Variants in MMP17 observed in about 807,000 individuals in gnomAD.
MMP17 encodes matrix metallopeptidase 17, also known as matrix metalloproteinase-17.
Under a neutral mutation model 49.1 loss-of-function variants are expected in MMP17, and 54 were observed. That is an observed-to-expected ratio of 1.10 (90% CI 0.88 to 1.38). The LOEUF is 1.38. MMP17 is among the 40% of genes most tolerant of loss of function. The probability of loss-of-function intolerance (pLI) is 0.00; values close to 1 mark genes in which losing one functional copy is unlikely to be tolerated. For synonymous variants in MMP17, 397 were observed against 383.1 expected, an observed-to-expected ratio of 1.04 and a Z score of -0.42; for missense variants, 837 against 853.7, an observed-to-expected ratio of 0.98 and a Z score of 0.24.
At chr12:131,849,212 G>A (rs866452517) in intron 8 of MMP17, among the ~76,000 whole-genome samples, 5 of 152,152 alleles carry the variant, frequency 3.3e-5, no homozygotes, top group African/African-American at 7.2e-5. Context: ...CGCAGGGCAC[G>A]GTGGCTCACA....
chr12:131,835,217 A>C (rs886724408), intron 1 of MMP17, among the ~76,000 whole-genome samples: 16 of 151,416 alleles, frequency 1.1e-4, no homozygotes, highest in African/African-American at 3.2e-4. Context: ...CAGACCCACC[A>C]CCCCCCAAGA....
chr12:131,841,888 G>T (rs1887436054), intron 5 of MMP17, 88 bp downstream of exon 5: 7 of 1,395,076 alleles, frequency 5.0e-6, no homozygotes, highest in Admixed American at 4.5e-5. Context: ...CCCCGGGAGG[G>T]TTTGCTCTCC....
At position 131,840,716 on chromosome 12, in the gene MMP17, T is replaced by C; in HGVS notation, c.566T>C (p.Phe189Ser). The change falls in exon 4 of 10, where the codon TTC (phenylalanine) becomes TCC (serine). Residue 189 changes from phenylalanine to serine, a missense_variant. Physicochemically the swap from Phe to Ser is radical, Grantham distance 155. Coordinates refer to ENST00000360564, the MANE Select transcript of MMP17 (RefSeq NM_016155.7). ...AGSAADIQID[F>S]SKADHNDGYP... The stretch of plus-strand genomic sequence containing the variant: ...AGCGCCGCCGACATCCAGATCGACT[T>C]CTCCAAGGCCGACCATAACGACGGC... 1 of 1,605,068 alleles carries C rather than the reference T, an allele frequency of 6.2e-7. No individual in the cohort carries two copies. The highest frequency in any genetic ancestry group is 1.3e-5 in the African/African-American group (1 of 75,028).
intron 9 of MMP17, 133 bp downstream of exon 9, chr12:131,850,192 C>A (rs1026534835): frequency 1.6e-6 from 2 of 1,277,410 alleles, no homozygotes; most frequent in East Asian, 2.6e-5. Context: ...AGGGTCCCAG[C>A]CCCTCGCCTG....
intron 3 of MMP17, among the ~76,000 whole-genome samples, chr12:131,839,255 G>C (rs1887255904): frequency 6.6e-6 from 1 of 151,862 alleles, no homozygotes; most frequent in Admixed American, 6.6e-5. Flanking sequence ...CGGATTTAGG[G>C]CCCACCCTGA....
intron 4 of MMP17, 123 bp from the exon 5 acceptor site, chr12:131,841,501 T>C: frequency 9.9e-7 from 1 of 1,006,396 alleles, no homozygotes; most frequent in South Asian, 1.5e-5. Flanking sequence ...AGAATCCCTC[T>C]GGCGCAGCCG....
chr12:131,849,779 A>G (rs746865852), intron 8 of MMP17, 23 bp from the exon 9 acceptor site: 3 of 1,600,388 alleles, frequency 1.9e-6, no homozygotes, highest in East Asian at 2.2e-5. Flanking sequence ...GCCCCGGCCC[A>G]CAGCTGTTTC....
At chr12:131,843,162 G>A (rs1416797528) in intron 5 of MMP17, among the ~76,000 whole-genome samples, 2 of 151,624 alleles carry the variant, frequency 1.3e-5, no homozygotes, top group African/African-American at 4.9e-5. Context: ...TAGAGACGGG[G>A]TTTCACTGTT....
intron 8 of MMP17, 88 bp from the exon 9 acceptor site, chr12:131,849,714 G>A (rs909377405): frequency 3.9e-5 from 57 of 1,478,718 alleles, no homozygotes; most frequent in South Asian, 2.9e-4. Flanking sequence ...GGGCAAGGGC[G>A]GCTGACACAG....
At chr12:131,844,914 A>C (rs540642351) in intron 6 of MMP17, 2 of 584,110 alleles carry the variant, frequency 3.4e-6, no homozygotes, top group South Asian at 1.9e-5. Flanking sequence ...GTATGCTCAG[A>C]GCGTAGATCT....
chr12:131,829,012 GC>G (rs1389781764), intron 1 of MMP17, among the ~76,000 whole-genome samples: 1 of 152,176 alleles, frequency 6.6e-6, no homozygotes, highest in Non-Finnish European at 1.5e-5. Context: ...CATCGCGGCC[GC>G]CCCGAGCTCT....
At chr12:131,829,907 C>G (rs1306302713) in intron 1 of MMP17, among the ~76,000 whole-genome samples, 1 of 152,240 alleles carries the variant, frequency 6.6e-6, no homozygotes, top group Non-Finnish European at 1.5e-5. Context: ...CAGGTCCCCA[C>G]AGTGGCTTCC....
In MMP17 at chr12:131,838,340, GGGGGCAGC is replaced by G. The variant is rs1286717771; in HGVS notation, c.292+17_292+24del. The G allele has an allele frequency of 6.2e-7, 1 of 1,610,520 alleles. No homozygotes were observed. Among genetic ancestry groups the G allele is most frequent in the East Asian group, 2.2e-5 (1 of 44,824 alleles). ...ACCGGCATCCTGGGTCAGTTCTCCA[GGGGGCAGC>G]GGGAGCGCCGTGGCCCCCGTCAGGT... On this transcript the variant is annotated intron_variant, in intron 2 of 9. Coordinates refer to ENST00000360564, the MANE Select transcript of MMP17 (RefSeq NM_016155.7).
At chr12:131,844,126 C>A in intron 6 of MMP17, 45 bp downstream of exon 6, 2 of 1,468,564 alleles carry the variant, frequency 1.4e-6, no homozygotes, top group Non-Finnish European at 9.2e-7. Flanking sequence ...GTCTGTCTGT[C>A]CTCATCCCTG....
chr12:131,841,514 A>C, intron 4 of MMP17, 110 bp from the exon 5 acceptor site: 2 of 1,141,124 alleles, frequency 1.8e-6, no homozygotes. Context: ...CGCAGCCGGC[A>C]TCGAGGCATC....
At chr12:131,831,632 G>A (rs955848175) in intron 1 of MMP17, among the ~76,000 whole-genome samples, 1 of 151,272 alleles carries the variant, frequency 6.6e-6, no homozygotes, top group Non-Finnish European at 1.5e-5. Context: ...CCCTTGCTCC[G>A]CGGTCCCCTT....
intron 1 of MMP17, among the ~76,000 whole-genome samples, chr12:131,836,170 G>A (rs1027073242): frequency 2.6e-5 from 4 of 152,174 alleles, no homozygotes; most frequent in African/African-American, 7.2e-5. Context: ...GGCTGGGTCA[G>A]TAGGGTTTGG....
intron 8 of MMP17, among the ~76,000 whole-genome samples, chr12:131,847,092 C>T (rs1007487704): frequency 6.9e-5 from 10 of 145,196 alleles, no homozygotes; most frequent in Non-Finnish European, 1.4e-4. Context: ...GCCTGGGCGA[C>T]AGAGCAAGAC....
At chr12:131,830,861 C>A (rs1474310742) in intron 1 of MMP17, among the ~76,000 whole-genome samples, 1 of 152,056 alleles carries the variant, frequency 6.6e-6, no homozygotes, top group Non-Finnish European at 1.5e-5. Flanking sequence ...GACAAAAGAG[C>A]GCACTGTCCC....
Sources: allele counts gnomAD v4.1 joint callset (sites outside exome capture counted in the v4.1 genomes callset), GRCh38; gene constraint gnomAD v4.1.1; transcripts MANE v1.5; gene names NCBI Gene and HGNC (gene_info 2026-07-23, HGNC 2026-07-21).